The following SGCZ variants were observed in gnomAD, a reference collection of about 807,000 sequenced individuals.
SGCZ encodes the protein zeta-sarcoglycan.
SGCZ carries 40 observed loss-of-function variants against 41.3 expected under a neutral mutation model. The ratio of observed to expected loss-of-function variants is 0.97; its 90% CI spans 0.75 to 1.26. The LOEUF is 1.26. Ranked by LOEUF, SGCZ falls within the 50% of genes most tolerant of loss-of-function variation. SGCZ has a pLI of 0.00. For synonymous variants in SGCZ, 206 were observed against 137.5 expected (o/e 1.50, Z -3.49); for missense variants, 552 against 369.8 (o/e 1.49, Z -4.04).
At chr8:14,471,716 AAAT>A (rs1272600861) in intron 2 of SGCZ, among the ~76,000 whole-genome samples, 2 of 152,142 alleles carry the variant, frequency 1.3e-5, no homozygotes, top group East Asian at 1.9e-4. Context: ...CAATAAATAA[AAAT>A]AATAATTTCC....
chr8:14,887,981 G>A (rs1383179909), intron 1 of SGCZ, among the ~76,000 whole-genome samples: 1 of 152,084 alleles, frequency 6.6e-6, no homozygotes, highest in Non-Finnish European at 1.5e-5. Context: ...CAATAGGAGG[G>A]ATAAATGATA....
At chr8:14,410,914 G>C (rs1053241067) in intron 2 of SGCZ, among the ~76,000 whole-genome samples, 6 of 152,058 alleles carry the variant, frequency 3.9e-5, no homozygotes, top group South Asian at 2.1e-4. Flanking sequence ...TAGTTTGTTA[G>C]TTTAAACTAA....
intron 7 of SGCZ, among the ~76,000 whole-genome samples, chr8:14,100,722 G>C (rs943528080): frequency 1.8e-4 from 27 of 150,918 alleles, no homozygotes; most frequent in African/African-American, 5.1e-4. Context: ...TTTTTAAAAA[G>C]GAAGTAAATG....
At chr8:14,421,149 T>C (rs1200531953) in intron 2 of SGCZ, among the ~76,000 whole-genome samples, 3 of 152,148 alleles carry the variant, frequency 2.0e-5, no homozygotes, top group African/African-American at 7.2e-5. Flanking sequence ...TATGTCAGAA[T>C]GCCTTCGTAT....
rs1315202757 is a variant in SGCZ at position 15,188,536 on chromosome 8, A to G, written c.39+49049T>C. 3.9e-5 allele frequency among the ~76,000 whole-genome samples: 6 copies of G among 152,244 alleles called. No individual in the cohort carries two copies. In the South Asian group the frequency reaches 6.2e-4, roughly 16 times the overall value. Reference sequence around the variant, plus strand: ...AGATTGTTTCATTTTGTTTTCACTCATTGACATGATTCATTTAACATTTCC... The same window carrying G: ...AGATTGTTTCATTTTGTTTTCACTCGTTGACATGATTCATTTAACATTTCC... On this transcript the variant is annotated intron_variant, in intron 1 of 7. Coordinates refer to ENST00000382080, the MANE Select transcript of SGCZ (RefSeq NM_139167.4).
rs1396674449 is a variant in SGCZ, at chr8:14,801,961, A to G, written c.40-247035T>C. Among the ~76,000 whole-genome samples, 4 of 152,226 alleles carry G rather than the reference A, an allele frequency of 2.6e-5. No individual in the cohort carries two copies. In the South Asian group the frequency reaches 8.3e-4, roughly 31 times the overall value. ...AAGCAGTCCAAATATGAGAGAAGGGATGTTTTCTAGCAAAGCTCAGTCCTG... is the reference window on the plus strand; with the variant it reads ...AAGCAGTCCAAATATGAGAGAAGGGGTGTTTTCTAGCAAAGCTCAGTCCTG... On this transcript the variant is annotated intron_variant, in intron 1 of 7. Coordinates refer to ENST00000382080, the MANE Select transcript of SGCZ (RefSeq NM_139167.4).
intron 3 of SGCZ, among the ~76,000 whole-genome samples, chr8:14,242,971 A>G (rs551397825): frequency 3.9e-5 from 6 of 152,354 alleles, no homozygotes; most frequent in Non-Finnish European, 8.8e-5. Context: ...ACACAAACAC[A>G]TAAAGCTTAA....
chr8:15,003,314 A>G (rs1386084597), intron 1 of SGCZ, among the ~76,000 whole-genome samples: 1 of 152,012 alleles, frequency 6.6e-6, no homozygotes, highest in East Asian at 2.0e-4. Flanking sequence ...CTGTGAGTCA[A>G]TTAAACCTCT....
chr8:14,747,690 T>TATG (rs1554492358), intron 1 of SGCZ, among the ~76,000 whole-genome samples: 1 of 133,534 alleles, frequency 7.5e-6, no homozygotes, highest in Non-Finnish European at 1.6e-5. Context: ...TTATTATTAT[T>TATG]ATGTGTGTGT....
intron 1 of SGCZ, among the ~76,000 whole-genome samples, chr8:14,751,784 G>T (rs947620161): frequency 3.2e-4 from 47 of 148,048 alleles, no homozygotes; most frequent in Admixed American, 4.1e-4. Flanking sequence ...TCCTGACCTC[G>T]TGATCTGCCC....
intron 1 of SGCZ, among the ~76,000 whole-genome samples, chr8:14,639,232 G>C (rs1464654702): frequency 6.6e-6 from 1 of 151,356 alleles, no homozygotes; most frequent in African/African-American, 2.4e-5. Context: ...CTGAAAGTTA[G>C]GAGAGGCAGC....
intron 1 of SGCZ, among the ~76,000 whole-genome samples, chr8:14,671,370 A>C (rs765404162): frequency 1.1e-4 from 16 of 152,196 alleles, no homozygotes; most frequent in Non-Finnish European, 2.1e-4. Flanking sequence ...CCTTTTATTA[A>C]TAGATGGAAT....
At chr8:14,664,856 G>T (rs897377339) in intron 1 of SGCZ, among the ~76,000 whole-genome samples, 1 of 152,062 alleles carries the variant, frequency 6.6e-6, no homozygotes, top group Admixed American at 6.6e-5. Flanking sequence ...ATCTCATGTT[G>T]TTCCAAAGCT....
chr8:14,402,292 A>C (rs1259067372), intron 2 of SGCZ, among the ~76,000 whole-genome samples: 1 of 151,298 alleles, frequency 6.6e-6, no homozygotes, highest in East Asian at 1.9e-4. Flanking sequence ...CTTGAGTTTA[A>C]TTAGATCCCA....
In SGCZ at chr8:14,324,120, C is replaced by A; in HGVS notation, c.319G>T (p.Glu107Ter). ...SEFLLPLYVK[E>*]IHSRKDSPLV... ...TCACATACCTTTCGAGAATGAATTT[C>A]TTTCACATACAATGGAAGTAGAAAC... is the stretch of plus-strand genomic sequence containing the variant. The change falls in exon 3 of 8, where the codon GAA (glutamate) becomes TAA (stop). Residue 107 changes from glutamate to a stop codon, truncating the protein, a stop_gained. Transcript: ENST00000382080. LOFTEE classifies it high-confidence loss of function. The A allele has an allele frequency of 6.2e-7, 1 of 1,611,892 alleles. No homozygotes were observed. Among genetic ancestry groups the A allele is most frequent in the Non-Finnish European group, 8.5e-7 (1 of 1,178,732 alleles).
At chr8:14,458,643 G>GTGGACTAGGATCTCTATCTAGCAACATA in intron 2 of SGCZ, among the ~76,000 whole-genome samples, 1 of 152,208 alleles carries the variant, frequency 6.6e-6, no homozygotes, top group East Asian at 1.9e-4. Flanking sequence ...GTAGCAACAT[G>GTGGACTAGGATCTCTATCTAGCAACATA]TGGACTAGGA....
At chr8:14,449,543 A>C (rs551812252) in intron 2 of SGCZ, among the ~76,000 whole-genome samples, 47 of 152,244 alleles carry the variant, frequency 3.1e-4, no homozygotes, top group African/African-American at 1.1e-3. Flanking sequence ...AGCTGGATAT[A>C]CTAAGGCTTT....
chr8:15,182,655 G>C (rs1042535664), intron 1 of SGCZ, among the ~76,000 whole-genome samples: 1 of 152,134 alleles, frequency 6.6e-6, no homozygotes, highest in African/African-American at 2.4e-5. Context: ...GTGAGTCTCA[G>C]TGAGTGGTGA....
At chr8:14,753,624 A>G (rs977644585) in intron 1 of SGCZ, among the ~76,000 whole-genome samples, 1 of 152,216 alleles carries the variant, frequency 6.6e-6, no homozygotes, top group African/African-American at 2.4e-5. Flanking sequence ...TCTGGACCAC[A>G]AAAATTACAG....
Sources: gnomAD v4.1 joint callset for allele counts (sites outside exome capture counted in the v4.1 genomes callset) on GRCh38, gnomAD v4.1.1 for gene constraint, MANE v1.5 for transcripts, NCBI Gene and HGNC (gene_info 2026-07-23, HGNC 2026-07-21) for gene names.